Variants in HOXA10 observed in about 807,000 individuals in gnomAD.
The protein encoded by HOXA10 is homeobox protein Hox-A10.
Under a neutral mutation model 29.7 loss-of-function variants are expected in HOXA10, and 12 were observed. That is an observed-to-expected ratio of 0.40 (90% CI 0.26 to 0.65). HOXA10 has a LOEUF of 0.65. HOXA10 is among the 30% of genes least tolerant of loss of function. HOXA10 has a pLI of 0.37. For missense variants in HOXA10, 656 were observed against 585.9 expected (o/e 1.12, Z -1.24); for synonymous variants, 327 against 280.7 (o/e 1.16, Z -1.65).
In HOXA10 at chr7:27,173,375, T is replaced by TTGC. The variant is rs1783556041; in HGVS notation, c.929_931dup (p.Ser310dup). 1 of 1,611,920 alleles carries TTGC rather than the reference T, an allele frequency of 6.2e-7. No individual in the cohort carries two copies. The highest frequency in any genetic ancestry group is 1.3e-5 in the African/African-American group (1 of 74,900). On this transcript the variant is annotated inframe_insertion, in exon 1 of 2. Coordinates refer to ENST00000283921, the MANE Select transcript of HOXA10 (RefSeq NM_018951.4). ...CAGGGAATCCTTCTCCGGCGAGGCT[T>TTGC]TGCTGCTCTCGGAAGGGGCCGGGGA... is the stretch of plus-strand genomic sequence containing the variant.
chr7:27,171,271 TA>T lies in HOXA10; in HGVS notation c.*627del. ...GATATCTTACAGAGGAAGGAAAAAT[TA>T]ACCTTTTTTACTTTCTTTCTCACTT... On this transcript the variant is annotated 3_prime_UTR_variant, in exon 2 of 2. Transcript: ENST00000283921. 1 of 454,108 alleles carries T rather than the reference TA, an allele frequency of 2.2e-6. No individual in the cohort carries two copies. The highest frequency in any genetic ancestry group is 4.4e-6 in the Non-Finnish European group (1 of 226,796). The allele number at this position is 454,108 out of a possible 1,614,324, so 28.1% of individuals were successfully genotyped here.
At chr7:27,172,262 G>C (rs1188912462) in intron 1 of HOXA10, 89 bp from the exon 2 acceptor site, 1 of 1,322,788 alleles carries the variant, frequency 7.6e-7, no homozygotes, top group Non-Finnish European at 1.1e-6. Context: ...TCTCCCATAA[G>C]AGAGATGTCC....
chr7:27,174,168 C>A lies in HOXA10; in HGVS notation c.139G>T (p.Gly47Cys), dbSNP rs1174866375. The A allele has an allele frequency of 1.0e-5, 16 of 1,596,966 alleles. No individual in the cohort carries two copies. Among genetic ancestry groups the A allele is most frequent in the Non-Finnish European group, 1.3e-5 (15 of 1,179,302 alleles). ...CCACCGCCGCCGCCCCCCGCGCCAC[C>A]ACCACCGCCGCCTGCCTCGCCTCTG... ...SGRGEAGGGG[G>C]GAGGGGGGGY... The change falls in exon 1 of 2, where the codon GGT becomes TGT. Residue 47 changes from glycine to cysteine, a missense_variant. Coordinates refer to ENST00000283921, the MANE Select transcript of HOXA10 (RefSeq NM_018951.4).
In HOXA10 at chr7:27,173,545, G is replaced by C. The variant is rs1008002540; in HGVS notation, c.762C>G (p.Pro254=). 2 of 1,454,380 alleles carry C rather than the reference G, an allele frequency of 1.4e-6. No homozygotes were observed. The highest frequency in any genetic ancestry group is 1.8e-6 in the Non-Finnish European group (2 of 1,112,212). 90.1% of individuals were successfully genotyped at this position (1,454,380 alleles called of 1,614,324 possible). A position where few individuals can be genotyped will look rare whatever the true frequency, so the allele number is the denominator to read the frequency against. The change falls in exon 1 of 2, where the codon CCC becomes CCG. Residue 254 remains proline (P), a synonymous_variant. Transcript: ENST00000283921. The part of the protein sequence containing the change: ...QPPGRGFDLP[P]ALASGSADAA... ...CATCGGCCGAGCCGGAGGCTAGCGCGGGCGGGAGATCGAAACCGCGCCCCG... is the reference window on the plus strand; with the variant it reads ...CATCGGCCGAGCCGGAGGCTAGCGCCGGCGGGAGATCGAAACCGCGCCCCG...
upstream of HOXA10, among the ~76,000 whole-genome samples, chr7:27,176,379 G>C (rs553377186): frequency 6.6e-6 from 1 of 152,352 alleles, no homozygotes; most frequent in South Asian, 2.1e-4. Context: ...TGAGACGGAC[G>C]AACCTGAGTG....
At chr7:27,175,668 TC>T (rs1783641456), upstream of HOXA10, among the ~76,000 whole-genome samples, 1 of 152,162 alleles carries the variant, frequency 6.6e-6, no homozygotes, top group African/African-American at 2.4e-5. Flanking sequence ...TCCGGCCAGA[TC>T]CAGTGGAGCC....
upstream of HOXA10, among the ~76,000 whole-genome samples, chr7:27,179,310 CTTTT>C (rs10634973): frequency 7.1e-6 from 1 of 141,620 alleles, no homozygotes. Context: ...CCGCGATCAC[CTTTT>C]TTTTTTTTTT....
rs1562511344 is a variant in HOXA10, at chr7:27,174,154, GC to G, written c.152del (p.Gly51AlafsTer53). ...EAGGGGGGAG[G>X]GGGGGYYAHG... The stretch of plus-strand genomic sequence containing the variant: ...GGGCGTAGTAACCGCCACCGCCGCC[GC>G]CCCCCGCGCCACCACCACCGCCGCC... On this transcript the variant is annotated frameshift_variant, in exon 1 of 2. Transcript: ENST00000283921. LOFTEE classifies it high-confidence loss of function. 2 of 1,595,296 alleles carry G rather than the reference GC, an allele frequency of 1.3e-6. No homozygotes were observed. Among genetic ancestry groups the G allele is most frequent in the Non-Finnish European group, 8.5e-7 (1 of 1,178,806 alleles).
At position 27,173,770 on chromosome 7, in the gene HOXA10, G is replaced by A. The variant is rs1224966039; in HGVS notation, c.537C>T (p.Pro179=). 2 of 1,608,734 alleles carry A rather than the reference G, an allele frequency of 1.2e-6. No individual in the cohort carries two copies. Among genetic ancestry groups the A allele is most frequent in the Admixed American group, 3.3e-5 (2 of 59,730 alleles). ...GTTCGGCGGCGGTGGCCGAGACTTT[G>A]GGGCATTTGTCCGCCGAGTCGTAGA... is the stretch of plus-strand genomic sequence containing the variant. ...YCLYDSADKC[P]KVSATAAELA... The change falls in exon 1 of 2, where the codon CCC becomes CCT. Residue 179 remains proline, a synonymous_variant. Coordinates refer to ENST00000283921, the MANE Select transcript of HOXA10 (RefSeq NM_018951.4).
In HOXA10 at chr7:27,174,058, C is replaced by G. The variant is rs535450007; in HGVS notation, c.249G>C (p.Thr83=). Residue 83 remains threonine (T), a synonymous_variant, in exon 1 of 2, where the codon ACG becomes ACC. Coordinates refer to ENST00000283921, the MANE Select transcript of HOXA10 (RefSeq NM_018951.4). Reference sequence around the variant, plus strand: ...CTGCCTCATTGCGCTTGCCGCCCAGCGTGGGGAAGAGCCCGCAGCTCTGCA... The same window carrying G: ...CTGCCTCATTGCGCTTGCCGCCCAGGGTGGGGAAGAGCCCGCAGCTCTGCA... The part of the protein sequence containing the change: ...YGLQSCGLFP[T]LGGKRNEAAS... 6.5e-7 allele frequency: 1 copy of G among 1,547,820 alleles called. No homozygotes were observed. The highest frequency in any genetic ancestry group is 2.4e-5 in the East Asian group (1 of 42,026).
rs775695480 is a variant in HOXA10 at position 27,173,428 on chromosome 7, G to C, written c.879C>G (p.His293Gln). 7 of 1,602,354 alleles carry C rather than the reference G, an allele frequency of 4.4e-6. No homozygotes were observed. The highest frequency in any genetic ancestry group is 1.1e-5 in the South Asian group (1 of 89,988). ...GGGSQGDEEAHASSSAAEELS... is the reference protein window; with the variant it reads ...GGGSQGDEEAQASSSAAEELS... Reference sequence around the variant, plus strand: ...GCTCCTCCGCGGCCGAGGACGACGCGTGCGCCTCCTCGTCGCCCTGCGAGC... The same window carrying C: ...GCTCCTCCGCGGCCGAGGACGACGCCTGCGCCTCCTCGTCGCCCTGCGAGC... Residue 293 changes from histidine to glutamine, a missense_variant, in exon 1 of 2, where the codon CAC becomes CAG. Coordinates refer to ENST00000283921, the MANE Select transcript of HOXA10 (RefSeq NM_018951.4).
intron 1 of HOXA10, 114 bp downstream of exon 1, chr7:27,173,235 C>T: frequency 6.6e-7 from 1 of 1,516,544 alleles, no homozygotes; most frequent in Non-Finnish European, 8.9e-7. Flanking sequence ...AGCCTGCCTG[C>T]AGCTTGGGCC....
rs1783567083 is a variant in HOXA10, at chr7:27,173,531, C to G, written c.776G>C (p.Gly259Ala). Residue 259 changes from glycine (G) to alanine (A), a missense_variant, in exon 1 of 2, where the codon GGC (glycine) becomes GCC (alanine). Transcript: ENST00000283921. ...GFDLPPALAS[G>A]SADAARKERA... Reference sequence around the variant, plus strand: ...CTCCTTCCGGGCCGCATCGGCCGAGCCGGAGGCTAGCGCGGGCGGGAGATC... The same window carrying G: ...CTCCTTCCGGGCCGCATCGGCCGAGGCGGAGGCTAGCGCGGGCGGGAGATC... 6.9e-7 allele frequency: 1 copy of G among 1,455,852 alleles called. No homozygotes were observed. Among genetic ancestry groups the G allele is most frequent in the South Asian group, 1.4e-5 (1 of 70,650 alleles). 90.2% of individuals were successfully genotyped at this position (1,455,852 alleles called of 1,614,324 possible).
chr7:27,174,311 T>A lies in HOXA10; in HGVS notation c.-5A>T, dbSNP rs1315988034. 1.3e-6 allele frequency: 2 copies of A among 1,597,848 alleles called. No homozygotes were observed. Among genetic ancestry groups the A allele is most frequent in the Non-Finnish European group, 1.7e-6 (2 of 1,179,736 alleles). ...ATAGCCCTTTCTGGCTGACATTTCTTGTGCAAAACATGCTGAATACGATTA... is the reference window on the plus strand; with the variant it reads ...ATAGCCCTTTCTGGCTGACATTTCTAGTGCAAAACATGCTGAATACGATTA... On this transcript the variant is annotated 5_prime_UTR_variant, in exon 1 of 2. Coordinates refer to ENST00000283921, the MANE Select transcript of HOXA10 (RefSeq NM_018951.4).
At chr7:27,177,619 T>A (rs1346090345), upstream of HOXA10, among the ~76,000 whole-genome samples, 2 of 152,182 alleles carry the variant, frequency 1.3e-5, no homozygotes, top group African/African-American at 4.8e-5. Flanking sequence ...GAGTGTTAGG[T>A]TTCTCAATAA....
chr7:27,171,510 G>A lies in HOXA10; in HGVS notation c.*389C>T, dbSNP rs1326619182. The A allele has an allele frequency of 4.3e-6, 2 of 465,990 alleles. No individual in the cohort carries two copies. Among genetic ancestry groups the A allele is most frequent in the Non-Finnish European group, 8.5e-6 (2 of 234,834 alleles). The allele number at this position is 465,990 out of a possible 1,614,324, so 28.9% of individuals were successfully genotyped here. A position where few individuals can be genotyped will look rare whatever the true frequency, so the allele number is the denominator to read the frequency against. On this transcript the variant is annotated 3_prime_UTR_variant, in exon 2 of 2. Transcript: ENST00000283921. ...CCAGACACCTCAGCGCCAACAATGG[G>A]ACCTCGGCCTTCCGGCTAGGTTTGC...
At position 27,171,683 on chromosome 7, in the gene HOXA10, C is replaced by T. The variant is rs961521027; in HGVS notation, c.*216G>A. On this transcript the variant is annotated 3_prime_UTR_variant, in exon 2 of 2. Transcript: ENST00000283921. ...ATTTTAGCATGATATGGCTTTTTCCCCCAGAAAACAACAAATAAACCAGCA... is the reference window on the plus strand; with the variant it reads ...ATTTTAGCATGATATGGCTTTTTCCTCCAGAAAACAACAAATAAACCAGCA... The T allele has an allele frequency of 4.3e-6, 3 of 700,496 alleles. No individual in the cohort carries two copies. Among genetic ancestry groups the T allele is most frequent in the Admixed American group, 4.0e-5 (2 of 49,954 alleles). The allele number at this position is 700,496 out of a possible 1,614,324, so 43.4% of individuals were successfully genotyped here.
At chr7:27,172,236 G>A in intron 1 of HOXA10, 63 bp from the exon 2 acceptor site, 3 of 1,512,702 alleles carry the variant, frequency 2.0e-6, no homozygotes, top group Non-Finnish European at 2.8e-6. Flanking sequence ...GCCCGCGGGG[G>A]TGAATTGCCT....
rs965870588 is a variant in HOXA10, at chr7:27,171,346, C to T, written c.*553G>A. 8 of 454,232 alleles carry T rather than the reference C, an allele frequency of 1.8e-5. No homozygotes were observed. The highest frequency in any genetic ancestry group is 1.2e-4 in the African/African-American group (6 of 50,020). 28.1% of individuals were successfully genotyped at this position (454,232 alleles called of 1,614,324 possible). A position where few individuals can be genotyped will look rare whatever the true frequency, so the allele number is the denominator to read the frequency against. Reference sequence around the variant, plus strand: ...CGTTTGCCAACCTGCATGTCCATGCCTGTAAGCCCTTCTCTTGGCCAAGGA... The same window carrying T: ...CGTTTGCCAACCTGCATGTCCATGCTTGTAAGCCCTTCTCTTGGCCAAGGA... On this transcript the variant is annotated 3_prime_UTR_variant, in exon 2 of 2. Coordinates refer to ENST00000283921, the MANE Select transcript of HOXA10 (RefSeq NM_018951.4).
Sources: allele counts gnomAD v4.1 joint callset (sites outside exome capture counted in the v4.1 genomes callset), GRCh38; gene constraint gnomAD v4.1.1; transcripts MANE v1.5; gene names NCBI Gene and HGNC (gene_info 2026-07-23, HGNC 2026-07-21).